Variants in GSG1L observed in about 807,000 individuals in gnomAD.
GSG1L encodes the protein germ cell-specific gene 1-like protein.
A neutral mutation model predicts 42.1 loss-of-function variants in GSG1L; 24 were observed. The ratio of observed to expected loss-of-function variants is 0.57; its 90% CI spans 0.41 to 0.80. GSG1L has a LOEUF of 0.80. Ranked by LOEUF, GSG1L falls within the 30% of genes least tolerant of loss-of-function variation. The pLI, the probability that GSG1L is intolerant of heterozygous loss-of-function variation, is 0.00. For missense variants in GSG1L, 445 were observed against 472.2 expected, an observed-to-expected ratio of 0.94 and a Z score of 0.53; for synonymous variants, 215 against 203.5, an observed-to-expected ratio of 1.06 and a Z score of -0.48.
At chr16:27,792,704 CA>C (rs1452648492) in intron 6 of GSG1L, among the ~76,000 whole-genome samples, 1 of 152,164 alleles carries the variant, frequency 6.6e-6, no homozygotes, top group Non-Finnish European at 1.5e-5. Context: ...ACCCCAAGCC[CA>C]GGGGAGCAAT....
At chr16:27,948,822 G>C (rs1352225071) in intron 2 of GSG1L, among the ~76,000 whole-genome samples, 2 of 148,950 alleles carry the variant, frequency 1.3e-5, no homozygotes, top group African/African-American at 2.5e-5. Context: ...TGTTAGCCAG[G>C]ATGGTCTCAA....
chr16:27,860,553 G>A (rs957091554), intron 3 of GSG1L, among the ~76,000 whole-genome samples: 2 of 152,186 alleles, frequency 1.3e-5, no homozygotes, highest in African/African-American at 2.4e-5. Flanking sequence ...GGGTAAATGC[G>A]AACTCACATT....
At chr16:27,868,821 CCT>C (rs1464442161) in intron 3 of GSG1L, among the ~76,000 whole-genome samples, 1 of 152,072 alleles carries the variant, frequency 6.6e-6, no homozygotes, top group Non-Finnish European at 1.5e-5. Context: ...CGTCTGCTGC[CCT>C]CTGCCATAGC....
In GSG1L at chr16:28,059,091, C is replaced by A. The variant is rs1344402269; in HGVS notation, c.349+3985G>T. Among the ~76,000 whole-genome samples, 2 of 152,154 alleles carry A rather than the reference C, an allele frequency of 1.3e-5. No homozygotes were observed. The highest frequency in any genetic ancestry group is 1.3e-4 in the Admixed American group (2 of 15,280). On this transcript the variant is annotated intron_variant, in intron 1 of 6. Transcript: ENST00000447459. The surrounding 1 kb of genome is among the most constrained non-coding windows in gnomAD (Gnocchi z 4.4). ...GTGGCGGCAACACCGAGGTGGTGCT[C>A]CCCACTCCCTGCCCTACGTCACCAA...
intron 1 of GSG1L, among the ~76,000 whole-genome samples, chr16:27,964,444 T>C (rs2085106546): frequency 6.6e-6 from 1 of 152,232 alleles, no homozygotes; most frequent in African/African-American, 2.4e-5. Context: ...TAATTAATTG[T>C]TGTATTTATC....
At chr16:28,015,284 G>A (rs1014225503) in intron 1 of GSG1L, among the ~76,000 whole-genome samples, 4 of 152,172 alleles carry the variant, frequency 2.6e-5, no homozygotes, top group South Asian at 2.1e-4. Flanking sequence ...CAGAAGGATC[G>A]CTTGACGCCA....
At chr16:27,910,465 T>G (rs775497706) in intron 2 of GSG1L, among the ~76,000 whole-genome samples, 84 of 152,316 alleles carry the variant, frequency 5.5e-4, no homozygotes, top group Admixed American at 4.0e-3. Flanking sequence ...CATTTTATAG[T>G]CAAGAAACTG....
Position 27,791,415 on chromosome 16 carries a change from T to C in GSG1L, c.951A>G (p.Ala317=). The C allele has an allele frequency of 1.3e-6, 2 of 1,530,670 alleles. No homozygotes were observed. The highest frequency in any genetic ancestry group is 1.9e-5 in the Admixed American group (1 of 51,450). The allele number at this position is 1,530,670 out of a possible 1,614,324, so 94.8% of individuals were successfully genotyped here. The change falls in exon 7 of 7, where the codon GCA becomes GCG. Residue 317 remains alanine, a synonymous_variant. Transcript: ENST00000447459. The part of the protein sequence containing the change: ...DSWPRSSAQE[A]PELNRQCWVL... Reference sequence around the variant, plus strand: ...CCCAGCACTGTCGGTTCAGCTCTGGTGCTTCCTGTGCGGAGCTCCGGGGCC... The same window carrying C: ...CCCAGCACTGTCGGTTCAGCTCTGGCGCTTCCTGTGCGGAGCTCCGGGGCC...
chr16:28,009,554 G>A (rs569231854), intron 1 of GSG1L, among the ~76,000 whole-genome samples: 17 of 152,340 alleles, frequency 1.1e-4, no homozygotes, highest in African/African-American at 3.1e-4. Flanking sequence ...AGCACAGGGC[G>A]CGGGCTCATT....
At chr16:27,903,295 A>G (rs2084283757) in intron 2 of GSG1L, among the ~76,000 whole-genome samples, 1 of 151,972 alleles carries the variant, frequency 6.6e-6, no homozygotes, top group Admixed American at 6.6e-5. Flanking sequence ...GGACCTGGGT[A>G]CCCAGTATTC....
intron 3 of GSG1L, among the ~76,000 whole-genome samples, chr16:27,856,070 G>A (rs1269247384): frequency 6.6e-6 from 1 of 152,196 alleles, no homozygotes; most frequent in East Asian, 1.9e-4. Flanking sequence ...TGGGGACAGA[G>A]AAGGCTTTGA....
At chr16:27,898,977 C>T (rs1382004900) in intron 2 of GSG1L, among the ~76,000 whole-genome samples, 2 of 152,230 alleles carry the variant, frequency 1.3e-5, no homozygotes, top group East Asian at 3.9e-4. Flanking sequence ...TGTTTGCCAC[C>T]ACAAAGGCTG....
At chr16:28,000,445 C>T (rs2085568905) in intron 1 of GSG1L, among the ~76,000 whole-genome samples, 1 of 152,214 alleles carries the variant, frequency 6.6e-6, no homozygotes, top group African/African-American at 2.4e-5. Context: ...AGCAGATAAT[C>T]CACGAAGAGC....
intron 1 of GSG1L, among the ~76,000 whole-genome samples, chr16:28,055,671 T>C (rs2086271197): frequency 6.6e-6 from 1 of 151,692 alleles, no homozygotes; most frequent in Non-Finnish European, 1.5e-5. Context: ...GATTTCGCCA[T>C]GTTGGCCAGG....
At chr16:27,899,453 G>A (rs1037211049) in intron 2 of GSG1L, among the ~76,000 whole-genome samples, 2 of 151,966 alleles carry the variant, frequency 1.3e-5, no homozygotes, top group Non-Finnish European at 1.5e-5. Flanking sequence ...ACAGTGGCTC[G>A]TGCCTGTAAT....
At chr16:27,898,684 CTCTCTCTCTCTCTG>C (rs1472684410) in intron 2 of GSG1L, among the ~76,000 whole-genome samples, 2 of 151,676 alleles carry the variant, frequency 1.3e-5, no homozygotes, top group Non-Finnish European at 2.9e-5. Context: ...TTCTCTCTCT[CTCTCTCTCTCTCTG>C]TCTCTCTCTC....
chr16:28,012,584 C>A (rs202011232), intron 1 of GSG1L, among the ~76,000 whole-genome samples: 8 of 149,248 alleles, frequency 5.4e-5, no homozygotes, highest in Non-Finnish European at 1.5e-5. Context: ...AAATTTTATA[C>A]AAAAAAAAAA....
chr16:27,877,029 T>C (rs980776384), intron 3 of GSG1L, among the ~76,000 whole-genome samples: 1 of 152,182 alleles, frequency 6.6e-6, no homozygotes, highest in Non-Finnish European at 1.5e-5. Flanking sequence ...TTTCTCTTTT[T>C]TCCTTAGTGG....
At chr16:27,849,796 G>T (rs1278641177) in intron 3 of GSG1L, among the ~76,000 whole-genome samples, 2 of 151,970 alleles carry the variant, frequency 1.3e-5, no homozygotes, top group Non-Finnish European at 2.9e-5. Context: ...AAAGCACTGG[G>T]ATTACAGGCG....
Sources: gnomAD v4.1 joint callset for allele counts (sites outside exome capture counted in the v4.1 genomes callset) on GRCh38, gnomAD v4.1.1 for gene constraint, Gnocchi (gnomAD v3.1) non-coding constraint, MANE v1.5 for transcripts, NCBI Gene and HGNC (gene_info 2026-07-23, HGNC 2026-07-21) for gene names.